Variants in PDZD2 observed in about 807,000 individuals in gnomAD.
PDZD2 encodes the protein PDZ domain containing 2.
In PDZD2, 90 loss-of-function variants were observed where a neutral mutation model predicts 220.7. That is an observed-to-expected ratio of 0.41 (90% CI 0.34 to 0.49). The LOEUF (loss-of-function observed/expected upper bound fraction) is 0.49. Ranked by LOEUF, PDZD2 falls within the 20% of genes least tolerant of loss-of-function variation. The pLI is 0.28. For missense variants in PDZD2, 3,174 were observed against 3,608.5 expected (o/e 0.88, Z 3.08); for synonymous variants, 1,375 against 1,450.5 (o/e 0.95, Z 1.18).
At chr5:31,995,072 T>C (rs1291379563) in intron 3 of PDZD2, among the ~76,000 whole-genome samples, 1 of 152,144 alleles carries the variant, frequency 6.6e-6, no homozygotes, top group Non-Finnish European at 1.5e-5. Flanking sequence ...CTTTCATCTT[T>C]GTTAATTAGT....
At chr5:31,973,583 T>A (rs1749494583) in intron 2 of PDZD2, among the ~76,000 whole-genome samples, 1 of 152,214 alleles carries the variant, frequency 6.6e-6, no homozygotes, top group Non-Finnish European at 1.5e-5. Context: ...GGATGGACAC[T>A]TAATGCTGAT....
In PDZD2 at chr5:31,814,964, C is replaced by G. The variant is rs533287902; in HGVS notation, c.476+15240C>G. 2.6e-5 allele frequency among the ~76,000 whole-genome samples: 4 copies of G among 151,838 alleles called. No individual in the cohort carries two copies. In the South Asian group the frequency reaches 8.3e-4, roughly 32 times the overall value. Reference sequence around the variant, plus strand: ...CTTCGGAGAGAATAGATGGCAAGGCCGGGGGCGGTGGCTCATGCCTATAAT... The same window carrying G: ...CTTCGGAGAGAATAGATGGCAAGGCGGGGGGCGGTGGCTCATGCCTATAAT... On this transcript the variant is annotated intron_variant, in intron 2 of 24. Coordinates refer to ENST00000438447, the MANE Select transcript of PDZD2 (RefSeq NM_178140.4).
intron 1 of PDZD2, among the ~76,000 whole-genome samples, chr5:31,747,064 A>G (rs925035961): frequency 2.0e-5 from 3 of 152,040 alleles, no homozygotes; most frequent in Non-Finnish European, 4.4e-5. Flanking sequence ...AATCCCAGCT[A>G]CTCGGGAGGC....
intron 13 of PDZD2, among the ~76,000 whole-genome samples, chr5:32,059,709 A>G (rs1388506621): frequency 2.0e-5 from 3 of 152,202 alleles, no homozygotes; most frequent in Admixed American, 2.0e-4. Context: ...CATATGAAAT[A>G]CTGGAACTGC....
intron 2 of PDZD2, among the ~76,000 whole-genome samples, chr5:31,921,801 C>G (rs28709834): frequency 0.61 from 92,176 of 151,916 alleles, 28,342 homozygotes; most frequent in East Asian, 0.86. Context: ...TTTCATAGGT[C>G]ATAGAAAATT....
At chr5:32,002,760 A>ACCCAC (rs1183453428) in intron 5 of PDZD2, among the ~76,000 whole-genome samples, 1 of 22,976 alleles carries the variant, frequency 4.4e-5, no homozygotes, top group African/African-American at 1.2e-4. Context: ...CACACACCCC[A>ACCCAC]CACACCACAC....
chr5:31,980,777 A>G (rs1422552203), intron 2 of PDZD2, among the ~76,000 whole-genome samples: 1 of 151,940 alleles, frequency 6.6e-6, no homozygotes, highest in South Asian at 2.1e-4. Context: ...AGACTAGTGG[A>G]TGGTGTTTGT....
rs756371391 is a variant in PDZD2, at chr5:32,061,122, C to T, written c.2439C>T (p.His813=). ...PGPVRLVIGR[H]PNPKVSEQEM... ...CCGTTCGCCTTGTCATCGGCCGGCA[C>T]CCTAATCCAAAGGTGAGGTGGTCCA... is the stretch of plus-strand genomic sequence containing the variant. The change falls in exon 14 of 25, where the codon CAC becomes CAT. Residue 813 remains histidine, a synonymous_variant. Coordinates refer to ENST00000438447, the MANE Select transcript of PDZD2 (RefSeq NM_178140.4). The T allele has an allele frequency of 1.2e-6, 2 of 1,614,132 alleles. No individual in the cohort carries two copies. The highest frequency in any genetic ancestry group is 1.7e-6 in the Non-Finnish European group (2 of 1,179,994).
intron 1 of PDZD2, among the ~76,000 whole-genome samples, chr5:31,760,104 G>A (rs1345942903): frequency 6.6e-6 from 1 of 152,176 alleles, no homozygotes; most frequent in Non-Finnish European, 1.5e-5. Flanking sequence ...CTTTAAGGAA[G>A]CAGACCCAGA....
chr5:31,693,669 C>G (rs1747243427), intron 1 of PDZD2, among the ~76,000 whole-genome samples: 2 of 152,124 alleles, frequency 1.3e-5, no homozygotes, highest in Non-Finnish European at 2.9e-5. Context: ...TTCCAGAGAT[C>G]AGCTTGAAGC....
intron 3 of PDZD2, among the ~76,000 whole-genome samples, chr5:31,989,215 C>T (rs1750981518): frequency 6.6e-6 from 1 of 152,244 alleles, no homozygotes; most frequent in African/African-American, 2.4e-5. Context: ...GTTTTCCAGT[C>T]TCCAGTGTCT....
rs188897070 is a variant in PDZD2 at position 31,889,989 on chromosome 5, C to T, written c.476+90265C>T. Among the ~76,000 whole-genome samples the T allele has an allele frequency of 5.9e-5, 9 of 152,088 alleles. No individual in the cohort carries two copies. The South Asian group carries it at 1.9e-3, about 32-fold the overall frequency. On this transcript the variant is annotated intron_variant, in intron 2 of 24. Transcript: ENST00000438447. Reference sequence around the variant, plus strand: ...AGTGAGCCCAGATAGTGTCACTGCACTCCAGCCTGGGCGACAGAGTGAGAC... The same window carrying T: ...AGTGAGCCCAGATAGTGTCACTGCATTCCAGCCTGGGCGACAGAGTGAGAC...
chr5:31,980,450 AC>A (rs1750203511), intron 2 of PDZD2, among the ~76,000 whole-genome samples: 1 of 152,204 alleles, frequency 6.6e-6, no homozygotes, highest in African/African-American at 2.4e-5. Context: ...GGAATGGAAG[AC>A]CCAGCTGTCA....
At chr5:32,028,685 T>G (rs866667938) in intron 6 of PDZD2, among the ~76,000 whole-genome samples, 29 of 133,130 alleles carry the variant, frequency 2.2e-4, no homozygotes, top group Middle Eastern at 3.6e-3. Flanking sequence ...GTTTTTTTTG[T>G]TTTTTTTTTT....
chr5:31,716,455 T>G (rs1319152726), intron 1 of PDZD2, among the ~76,000 whole-genome samples: 2 of 152,024 alleles, frequency 1.3e-5, no homozygotes, highest in Non-Finnish European at 2.9e-5. Flanking sequence ...ATGTCTTTAT[T>G]GTGGTTTTTG....
At chr5:32,096,434 C>T (rs888679973) in intron 21 of PDZD2, among the ~76,000 whole-genome samples, 5 of 152,184 alleles carry the variant, frequency 3.3e-5, no homozygotes, top group African/African-American at 1.2e-4. Context: ...TCTCCTGCCT[C>T]AGCCTCCCAA....
chr5:32,082,282 A>C (rs1015779309), intron 19 of PDZD2, among the ~76,000 whole-genome samples: 3 of 151,230 alleles, frequency 2.0e-5, no homozygotes, highest in African/African-American at 7.3e-5. Context: ...TCAGCCTCCC[A>C]AAGTGCTGGG....
intron 2 of PDZD2, chr5:31,855,116 G>C (rs1758328590): frequency 1.0e-6 from 1 of 985,336 alleles, no homozygotes; most frequent in Non-Finnish European, 1.2e-6. Flanking sequence ...TGCCGGCGGA[G>C]ACTCCCAGGA....
intron 2 of PDZD2, among the ~76,000 whole-genome samples, chr5:31,892,861 G>GTGCCACTC (rs1741180737): frequency 6.6e-6 from 1 of 152,116 alleles, no homozygotes; most frequent in African/African-American, 2.4e-5. Flanking sequence ...GTGTGCCACT[G>GTGCCACTC]TGCCCAGCTG....
Sources: gnomAD v4.1 joint callset for allele counts (sites outside exome capture counted in the v4.1 genomes callset) on GRCh38, gnomAD v4.1.1 for gene constraint, MANE v1.5 for transcripts, NCBI Gene and HGNC (gene_info 2026-07-23, HGNC 2026-07-21) for gene names.